Variants in BCL6 observed in about 807,000 individuals in gnomAD.
BCL6 encodes the protein BCL6 transcription repressor, also known as B-cell lymphoma 6 protein.
A neutral mutation model predicts 59.5 loss-of-function variants in BCL6; 7 were observed. That is an observed-to-expected ratio of 0.12 (90% CI 0.07 to 0.22). BCL6 has a LOEUF of 0.22. BCL6 is among the 10% of genes least tolerant of loss of function. The probability of loss-of-function intolerance (pLI) is 1.00; values close to 1 mark genes in which losing one functional copy is unlikely to be tolerated. For synonymous variants in BCL6, 339 were observed against 349.7 expected, an observed-to-expected ratio of 0.97 and a Z score of 0.34; for missense variants, 685 against 939.4, an observed-to-expected ratio of 0.73 and a Z score of 3.54.
intron 1 of BCL6, among the ~76,000 whole-genome samples, chr3:187,744,555 A>G (rs1711792081): frequency 2.0e-5 from 3 of 152,300 alleles, no homozygotes; most frequent in South Asian, 2.1e-4. Context: ...ACGATACTTC[A>G]TCTCATCTGG....
chr3:187,726,462 T>C (rs2108558960), intron 7 of BCL6, among the ~76,000 whole-genome samples: 1 of 152,278 alleles, frequency 6.6e-6, no homozygotes, highest in South Asian at 2.1e-4. Flanking sequence ...TCTTCACCTG[T>C]ACAGTGGGAT....
intron 1 of BCL6, among the ~76,000 whole-genome samples, chr3:187,744,490 C>A (rs80276199): frequency 1.3e-5 from 2 of 151,862 alleles, no homozygotes; most frequent in East Asian, 3.9e-4. Flanking sequence ...GCAGGGAACA[C>A]CAAAACACTC....
In BCL6 at chr3:187,729,507, T is replaced by C. The variant is rs1718915134; in HGVS notation, c.898A>G (p.Ser300Gly). 1 of 1,613,616 alleles carries C rather than the reference T, an allele frequency of 6.2e-7. No individual in the cohort carries two copies. Among genetic ancestry groups the C allele is most frequent in the Non-Finnish European group, 8.5e-7 (1 of 1,179,844 alleles). ...NAPYFPCDKA[S>G]KEEERPSSED... is the part of the protein sequence containing the mutation. ...GAGGAGGGTCTCTCTTCTTCTTTGC[T>C]GGCCTTGTCACAAGGGAAGTAGGGG... The change falls in exon 5 of 10, where the codon AGC (serine) becomes GGC (glycine). Residue 300 changes from serine to glycine, a missense_variant. By Grantham distance (56) the Ser-to-Gly change is moderately conservative. Around this residue, in one of 7 missense-constraint regions of BCL6, gnomAD observed 268 missense variants for 263.8 expected, o/e 1.02. Transcript: ENST00000406870. This position sits in a 1 kb window ranked among gnomAD's most constrained non-coding sequence, Gnocchi z 5.6.
intron 1 of BCL6, among the ~76,000 whole-genome samples, chr3:187,742,681 T>C (rs1234211876): frequency 1.3e-5 from 2 of 151,836 alleles, no homozygotes; most frequent in African/African-American, 4.8e-5. Flanking sequence ...GGAGAGAGAG[T>C]TGCCATCTAC....
Position 187,728,399 on chromosome 3 carries a change from T to C in BCL6, c.1501A>G (p.Met501Val), listed in dbSNP as rs763834345. 13 of 1,608,222 alleles carry C rather than the reference T, an allele frequency of 8.1e-6. No individual in the cohort carries two copies. The South Asian group carries it at 1.4e-4, about 18-fold the overall frequency. ...HTAGPTFPEE[M>V]GETQSEYSDS... The stretch of plus-strand genomic sequence containing the variant: ...GAGTACTCAGACTGGGTCTCTCCCA[T>C]CTCCTCAGGGAACGTGGGGCCAGCG... The change falls in exon 6 of 10, where the codon ATG (methionine) becomes GTG (valine). Residue 501 changes from methionine to valine, a missense_variant. Met to Val is a conservative substitution (Grantham distance 21). Around this residue, in one of 7 missense-constraint regions of BCL6, gnomAD observed 207 missense variants for 213.7 expected, o/e 0.97. Coordinates refer to ENST00000406870, the MANE Select transcript of BCL6 (RefSeq NM_001706.5).
At chr3:187,741,650 C>T (rs549689560) in intron 1 of BCL6, among the ~76,000 whole-genome samples, 2 of 152,334 alleles carry the variant, frequency 1.3e-5, no homozygotes, top group Non-Finnish European at 2.9e-5. Context: ...CTCGCGGCGG[C>T]AGCGGCGGTC....
chr3:187,736,158 T>C (rs1318671357), intron 1 of BCL6: 3 of 152,156 alleles, frequency 2.0e-5, no homozygotes, highest in African/African-American at 7.2e-5. Context: ...TTCTCTGTGG[T>C]CCCAAGTGCC....
In BCL6 at chr3:187,725,541, C is replaced by G; in HGVS notation, c.1797G>C (p.Glu599Asp). The G allele has an allele frequency of 1.2e-6, 2 of 1,614,228 alleles. No homozygotes were observed. The highest frequency in any genetic ancestry group is 1.7e-6 in the Non-Finnish European group (2 of 1,180,042). The change falls in exon 8 of 10, where the codon GAG (glutamate) becomes GAC (aspartate). Residue 599 changes from glutamate to aspartate, a missense_variant. Glu to Asp is a conservative substitution (Grantham distance 45, BLOSUM62 2). Around this residue, in one of 7 missense-constraint regions of BCL6, gnomAD observed 42 missense variants for 101.7 expected, o/e 0.41. Transcript: ENST00000406870. The surrounding 1 kb of genome is among the most constrained non-coding windows in gnomAD (Gnocchi z 4.7). ...CGCAGGTTTCGCATTTGTAGGGCTT[C>G]TCTCCAGAGTGAATTCGAGTGTGGG... ...LKTHTRIHSG[E>D]KPYKCETCGA...
chr3:187,726,953 C>A, intron 6 of BCL6, 55 bp from the exon 7 acceptor site: 1 of 1,585,942 alleles, frequency 6.3e-7, no homozygotes, highest in Non-Finnish European at 8.6e-7. Flanking sequence ...GGAGGTAGGG[C>A]TCTAAGGCCG....
chr3:187,727,594 CAG>C (rs1409284473), intron 6 of BCL6, among the ~76,000 whole-genome samples: 1 of 152,194 alleles, frequency 6.6e-6, no homozygotes, highest in Non-Finnish European at 1.5e-5. Context: ...AACTGGAGTG[CAG>C]AGCAAAGGCA....
At chr3:187,745,127 A>T (rs55921632) in intron 1 of BCL6, among the ~76,000 whole-genome samples, 2 of 152,202 alleles carry the variant, frequency 1.3e-5, no homozygotes, top group East Asian at 1.9e-4. Context: ...CAACAATAAT[A>T]ATAATAAATA....
chr3:187,726,706 C>G (rs201847883), intron 7 of BCL6, 25 bp downstream of exon 7: 1 of 1,609,884 alleles, frequency 6.2e-7, no homozygotes, highest in Admixed American at 1.7e-5. Flanking sequence ...GTGGAGAGTT[C>G]GGGTCGTGTG....
At chr3:187,744,427 A>C (rs774079764) in intron 1 of BCL6, among the ~76,000 whole-genome samples, 1 of 152,100 alleles carries the variant, frequency 6.6e-6, no homozygotes, top group Admixed American at 6.5e-5. Flanking sequence ...CCAAGAAAGA[A>C]TAATTTTCAA....
Position 187,731,861 on chromosome 3 carries a change from C to A in BCL6, c.231G>T (p.Glu77Asp), listed in dbSNP as rs1275125976. Residue 77 changes from glutamate (E) to aspartate (D), a missense_variant, in exon 4 of 10, where the codon GAG (glutamate) becomes GAT (aspartate). Glu to Asp is a conservative substitution (Grantham distance 45). Around this residue, in one of 7 missense-constraint regions of BCL6, gnomAD observed 102 missense variants for 176.6 expected, o/e 0.58. Transcript: ENST00000406870. ...GGATGCAGAATCCCTCAGGGTTGAT[C>A]TCAGGATCTAGATTGATCACACTAA... ...CNLSVINLDP[E>D]INPEGFCILL... The A allele has an allele frequency of 1.9e-6, 3 of 1,614,176 alleles. No homozygotes were observed. Among genetic ancestry groups the A allele is most frequent in the Non-Finnish European group, 2.5e-6 (3 of 1,180,040 alleles).
chr3:187,740,004 G>T (rs1368147443), intron 1 of BCL6, among the ~76,000 whole-genome samples: 1 of 152,136 alleles, frequency 6.6e-6, no homozygotes, highest in Non-Finnish European at 1.5e-5. Flanking sequence ...TTTCTCCGAC[G>T]CGGCCTCCGA....
chr3:187,745,300 T>G (rs537238146), intron 1 of BCL6, 110 bp downstream of exon 1: 2 of 398,210 alleles, frequency 5.0e-6, no homozygotes, highest in Non-Finnish European at 8.9e-6. Flanking sequence ...AAAAAAGAAT[T>G]AAAAGGTAAA....
rs758349079 is a variant in BCL6 at position 187,726,741 on chromosome 3, G to A, written c.1698C>T (p.Thr566=). Residue 566 remains threonine, a synonymous_variant, in exon 7 of 10, where the codon ACC becomes ACT. Coordinates refer to ENST00000406870, the MANE Select transcript of BCL6 (RefSeq NM_001706.5). ...RYKGNLASHK[T]VHTGEKPYRC... is the part of the protein sequence containing the mutation. ...GGGGCAGGGCCATACCGGTATGGAC[G>A]GTCTTGTGGCTGGCGAGGTTGCCCT... 9.3e-6 allele frequency: 15 copies of A among 1,613,844 alleles called. No homozygotes were observed. The highest frequency in any genetic ancestry group is 5.0e-5 in the Admixed American group (3 of 59,992).
chr3:187,726,590 C>A (rs957240201), intron 7 of BCL6, 141 bp downstream of exon 7: 1 of 1,187,248 alleles, frequency 8.4e-7, no homozygotes, highest in Non-Finnish European at 1.2e-6. Context: ...AGGGTTAGAC[C>A]CCTCGTTCAG....
At position 187,726,903 on chromosome 3, in the gene BCL6, T is replaced by TG; in HGVS notation, c.1541-6dup. Reference sequence around the variant, plus strand: ...TGCAGAAGAAGGCCCCGTTCTCTGTTGGAGGGTGGTAGGGGGACACCAAAG... The same window carrying TG: ...TGCAGAAGAAGGCCCCGTTCTCTGTTGGGAGGGTGGTAGGGGGACACCAAAG... On this transcript the variant is annotated splice_region_variant and splice_polypyrimidine_tract_variant and intron_variant, in intron 6 of 9. Transcript: ENST00000406870. The TG allele has an allele frequency of 6.2e-7, 1 of 1,614,012 alleles. No individual in the cohort carries two copies. The highest frequency in any genetic ancestry group is 8.5e-7 in the Non-Finnish European group (1 of 1,179,940).
Sources: allele counts gnomAD v4.1 joint callset (sites outside exome capture counted in the v4.1 genomes callset), GRCh38; gene constraint gnomAD v4.1.1; regional missense constraint gnomAD v4.1.1; non-coding constraint Gnocchi (gnomAD v3.1); transcripts MANE v1.5; gene names NCBI Gene and HGNC (gene_info 2026-07-23, HGNC 2026-07-21).